Variants in TRIM16 observed in about 807,000 individuals in gnomAD.
TRIM16 encodes the protein tripartite motif containing 16.
A neutral mutation model predicts 50.4 loss-of-function variants in TRIM16; 33 were observed. That is an observed-to-expected ratio of 0.65 (90% CI 0.50 to 0.88). TRIM16 has a LOEUF of 0.88. Among genes scored for constraint, TRIM16 ranks in the 40% least tolerant of loss-of-function variants. The pLI, the probability that TRIM16 is intolerant of heterozygous loss-of-function variation, is 0.00. For synonymous variants in TRIM16, 229 were observed against 270.7 expected (o/e 0.85, Z 1.51); for missense variants, 581 against 686.8 (o/e 0.85, Z 1.72).
intron 8 of TRIM16, among the ~76,000 whole-genome samples, chr17:15,640,429 T>G (rs997507737): frequency 6.7e-6 from 1 of 148,760 alleles, no homozygotes; most frequent in South Asian, 2.2e-4. Context: ...TTGTTCACTG[T>G]GGGCACCAGT....
chr17:15,630,695 C>T (rs1986370150), intron 11 of TRIM16, among the ~76,000 whole-genome samples: 1 of 150,594 alleles, frequency 6.6e-6, no homozygotes. Context: ...TGGCATGCGC[C>T]TGTGGTCCCA....
chr17:15,652,158 T>TA (rs1987745010), intron 6 of TRIM16: 1 of 183,820 alleles, frequency 5.4e-6, no homozygotes, highest in South Asian at 1.7e-4. Flanking sequence ...TTCTTTTTTT[T>TA]TTTTTTTGAG....
intron 6 of TRIM16, among the ~76,000 whole-genome samples, chr17:15,674,238 C>T (rs1381576541): frequency 2.0e-5 from 3 of 151,930 alleles, no homozygotes; most frequent in Non-Finnish European, 4.4e-5. Flanking sequence ...GGCATGGTGA[C>T]GGGCACCTGT....
At chr17:15,642,689 T>A in intron 8 of TRIM16, 32 bp downstream of exon 8, 1 of 740,476 alleles carries the variant, frequency 1.4e-6, no homozygotes, top group South Asian at 1.7e-5. Flanking sequence ...TCCCACACCC[T>A]CACAGGCCTG....
chr17:15,635,042 C>G (rs928309555), intron 9 of TRIM16, among the ~76,000 whole-genome samples: 4 of 148,752 alleles, frequency 2.7e-5, no homozygotes, highest in African/African-American at 1.0e-4. Flanking sequence ...CAAAAGTTAA[C>G]TATGTTGTAC....
At chr17:15,642,473 T>C (rs1233390116) in intron 8 of TRIM16, among the ~76,000 whole-genome samples, 1 of 148,622 alleles carries the variant, frequency 6.7e-6, no homozygotes, top group Non-Finnish European at 1.5e-5. Context: ...AATAAGAATG[T>C]TGTTATTACA....
At chr17:15,673,376 T>A (rs1206059212) in intron 6 of TRIM16, among the ~76,000 whole-genome samples, 2 of 152,250 alleles carry the variant, frequency 1.3e-5, no homozygotes, top group African/African-American at 2.4e-5. Context: ...CTTCTGTAAT[T>A]CAAGCCCTGT....
intron 5 of TRIM16, 80 bp downstream of exon 5, chr17:15,677,495 T>C (rs1282819063): frequency 1.0e-6 from 1 of 996,848 alleles, no homozygotes; most frequent in Non-Finnish European, 1.2e-6. Context: ...TTGTTACCAT[T>C]CCCTAATAGA....
intron 6 of TRIM16, among the ~76,000 whole-genome samples, chr17:15,664,721 T>C (rs1055873799): frequency 6.6e-6 from 1 of 151,758 alleles, no homozygotes; most frequent in Admixed American, 6.6e-5. Context: ...ATGTGTCTTA[T>C]ATCTGCTGCC....
intron 6 of TRIM16, among the ~76,000 whole-genome samples, chr17:15,654,742 G>A (rs1422630773): frequency 6.6e-6 from 1 of 152,156 alleles, no homozygotes; most frequent in African/African-American, 2.4e-5. Context: ...TCTCGCTTCT[G>A]TAATATGCTT....
In TRIM16 at chr17:15,628,534, G is replaced by A; in HGVS notation, c.*81C>T. On this transcript the variant is annotated 3_prime_UTR_variant, in exon 12 of 12. Coordinates refer to ENST00000649191, the MANE Select transcript of TRIM16 (RefSeq NM_001348119.1). The stretch of plus-strand genomic sequence containing the variant: ...TTTCAAAAGCCAGCTACCATCAGCA[G>A]TTATTTCTGCCCCCAAATCACCCTA... The A allele has an allele frequency of 6.9e-7, 1 of 1,449,870 alleles. No individual in the cohort carries two copies. Among genetic ancestry groups the A allele is most frequent in the Non-Finnish European group, 9.2e-7 (1 of 1,089,788 alleles). The allele number at this position is 1,449,870 out of a possible 1,614,324, so 89.8% of individuals were successfully genotyped here. A position where few individuals can be genotyped will look rare whatever the true frequency, so the allele number is the denominator to read the frequency against.
At chr17:15,658,794 T>C in intron 6 of TRIM16, 1 of 985,418 alleles carries the variant, frequency 1.0e-6, no homozygotes, top group African/African-American at 1.7e-5. Flanking sequence ...AGAATTTTAC[T>C]GGCTTACCTG....
intron 11 of TRIM16, among the ~76,000 whole-genome samples, chr17:15,630,231 A>G (rs1159356854): frequency 6.6e-6 from 1 of 151,766 alleles, no homozygotes; most frequent in Non-Finnish European, 1.5e-5. Flanking sequence ...CCCTACTCTG[A>G]GTCTGGTGAA....
intron 6 of TRIM16, among the ~76,000 whole-genome samples, chr17:15,675,078 G>C (rs1988871915): frequency 1.3e-5 from 2 of 151,486 alleles, no homozygotes; most frequent in Non-Finnish European, 2.9e-5. Context: ...AGGGAAGGGG[G>C]GTAAAATCAC....
In TRIM16 at chr17:15,632,570, A is replaced by T; in HGVS notation, c.954T>A (p.Thr318=). 1 of 1,613,946 alleles carries T rather than the reference A, an allele frequency of 6.2e-7. No homozygotes were observed. The highest frequency in any genetic ancestry group is 8.5e-7 in the Non-Finnish European group (1 of 1,179,854). The change falls in exon 10 of 12, where the codon ACT becomes ACA. Residue 318 remains threonine (T), a synonymous_variant. Transcript: ENST00000649191. ...SGIRKVITES[T]VHLIQLLENY... is the part of the protein sequence containing the mutation. The stretch of plus-strand genomic sequence containing the variant: ...TCTCCAGCAACTGGATTAAGTGTAC[A>T]GTGGATTCCGTGATAACTTTGCGGA...
At chr17:15,631,266 A>T (rs1299661629) in intron 11 of TRIM16, among the ~76,000 whole-genome samples, 6 of 152,238 alleles carry the variant, frequency 3.9e-5, no homozygotes, top group Non-Finnish European at 7.3e-5. Flanking sequence ...TTGATGAAAG[A>T]CTTGGTGAAA....
intron 8 of TRIM16, among the ~76,000 whole-genome samples, chr17:15,639,945 A>G (rs1987042580): frequency 6.7e-6 from 1 of 149,296 alleles, no homozygotes; most frequent in African/African-American, 2.5e-5. Flanking sequence ...TCTTCCAATT[A>G]TATAACAATA....
intron 9 of TRIM16, 36 bp from the exon 10 acceptor site, chr17:15,632,710 T>C: frequency 6.6e-7 from 1 of 1,519,516 alleles, no homozygotes. Flanking sequence ...TGCTGTGGTT[T>C]CTGTATTTCT....
At chr17:15,641,851 CTCTT>C (rs916652849) in intron 8 of TRIM16, among the ~76,000 whole-genome samples, 2 of 148,108 alleles carry the variant, frequency 1.4e-5, no homozygotes, top group Non-Finnish European at 3.0e-5. Context: ...TTTGCATTCT[CTCTT>C]TTTTTGAAAC....
Sources: allele counts gnomAD v4.1 joint callset (sites outside exome capture counted in the v4.1 genomes callset), GRCh38; gene constraint gnomAD v4.1.1; transcripts MANE v1.5; gene names NCBI Gene and HGNC (gene_info 2026-07-23, HGNC 2026-07-21).